The following FBXO24 variants were observed in gnomAD, a reference collection of about 807,000 sequenced individuals.
FBXO24 encodes F-box only protein 24.
A neutral mutation model predicts 63.5 loss-of-function variants in FBXO24; 30 were observed. The observed-to-expected ratio is 0.47, with a 90% confidence interval of 0.35 to 0.64. The LOEUF (loss-of-function observed/expected upper bound fraction) is 0.64. Among genes scored for constraint, FBXO24 ranks in the 30% least tolerant of loss-of-function variants. The pLI is 0.00. For synonymous variants in FBXO24, 300 were observed against 305.0 expected, an observed-to-expected ratio of 0.98 and a Z score of 0.17; for missense variants, 624 against 763.4, an observed-to-expected ratio of 0.82 and a Z score of 2.15.
In FBXO24 at chr7:100,600,748, C is replaced by A. The variant is rs371902452; in HGVS notation, c.1592C>A (p.Thr531Lys). The A allele has an allele frequency of 1.5e-5, 25 of 1,614,054 alleles. No individual in the cohort carries two copies. Among genetic ancestry groups the A allele is most frequent in the Non-Finnish European group, 2.1e-5 (25 of 1,180,024 alleles). ...EYLSQIHSCQ[T>K]LQDRTEKMKE... is the part of the protein sequence containing the mutation. ...CTCAGCCAGATCCACAGTTGCCAAA[C>A]GTTGCAGGACCGCACGGAGAAGATG... The change falls in exon 10 of 10, where the codon ACG becomes AAG. Residue 531 changes from threonine (T) to lysine (K), a missense_variant. Physicochemically the swap from Thr to Lys is moderately conservative, Grantham distance 78. Coordinates refer to ENST00000241071, the MANE Select transcript of FBXO24 (RefSeq NM_033506.3). This position sits in a 1 kb window ranked among gnomAD's most constrained non-coding sequence, Gnocchi z 6.3.
In FBXO24 at chr7:100,594,441, C is replaced by T. The variant is rs779129475; in HGVS notation, c.852C>T (p.Ser284=). The change falls in exon 6 of 10, where the codon TCC becomes TCT. Residue 284 remains serine, a synonymous_variant. Coordinates refer to ENST00000241071, the MANE Select transcript of FBXO24 (RefSeq NM_033506.3). The surrounding 1 kb of genome is among the most constrained non-coding windows in gnomAD (Gnocchi z 4.2). ...VNETQLDQPR[S]YTVQLALRKV... is the part of the protein sequence containing the mutation. ...AGACCCAGCTTGACCAGCCACGCTC[C>T]TACACGGTTCAGCTGGCCCTGAGGA... 1 of 1,613,862 alleles carries T rather than the reference C, an allele frequency of 6.2e-7. No homozygotes were observed. Among genetic ancestry groups the T allele is most frequent in the Non-Finnish European group, 8.5e-7 (1 of 1,179,864 alleles).
In FBXO24 at chr7:100,594,697, T is replaced by C. The variant is rs71555290; in HGVS notation, c.952+156T>C. Among the ~76,000 whole-genome samples, 114 of 152,282 alleles carry C rather than the reference T, an allele frequency of 7.5e-4. 1 individual carries two copies. Among genetic ancestry groups the C allele is most frequent in the Non-Finnish European group, 8.1e-4 (55 of 68,018 alleles). On this transcript the variant is annotated intron_variant, in intron 6 of 9. Transcript: ENST00000241071. The surrounding 1 kb of genome is among the most constrained non-coding windows in gnomAD (Gnocchi z 4.2). ...CCGGCATGGTGACTCATGCCTGTAA[T>C]CCCATCACTTTGGGAAACCGAGGCA...
Position 100,590,372 on chromosome 7 carries a change from G to A in FBXO24, c.322+15G>A, listed in dbSNP as rs1354574178. 6.3e-7 allele frequency: 1 copy of A among 1,594,244 alleles called. No individual in the cohort carries two copies. Among genetic ancestry groups the A allele is most frequent in the East Asian group, 2.2e-5 (1 of 44,566 alleles). On this transcript the variant is annotated intron_variant, in intron 3 of 9. Coordinates refer to ENST00000241071, the MANE Select transcript of FBXO24 (RefSeq NM_033506.3). ...CATTCTGAACTGTACACCTTCCCCAGAACCTCCCGTTCTCCTTGCCTCTGT... is the reference window on the plus strand; with the variant it reads ...CATTCTGAACTGTACACCTTCCCCAAAACCTCCCGTTCTCCTTGCCTCTGT...
chr7:100,598,877 G>C (rs945979837), intron 8 of FBXO24, among the ~76,000 whole-genome samples: 6 of 151,984 alleles, frequency 3.9e-5, no homozygotes, highest in Non-Finnish European at 7.4e-5. Flanking sequence ...TACTCGGGAG[G>C]CTGAGGAAGG....
At chr7:100,586,886 C>A in intron 1 of FBXO24, 6 of 343,978 alleles carry the variant, frequency 1.7e-5, no homozygotes, top group South Asian at 4.8e-5. Context: ...AAGCCTCTGG[C>A]AGGGGTCTCG....
chr7:100,595,549 T>C (rs745683636), intron 7 of FBXO24, 26 bp from the exon 8 acceptor site: 2 of 1,559,892 alleles, frequency 1.3e-6, no homozygotes, highest in Non-Finnish European at 1.7e-6. Flanking sequence ...ATGGAATCCC[T>C]ATCCCCTTTC....
chr7:100,586,834 G>T (rs1430952322), intron 1 of FBXO24, 170 bp downstream of exon 1: 13 of 647,350 alleles, frequency 2.0e-5, no homozygotes, highest in Non-Finnish European at 3.4e-5. Context: ...TGCACTGGCG[G>T]TTGTCGCAGC....
In FBXO24 at chr7:100,600,108, C is replaced by A; in HGVS notation, c.1284C>A (p.Phe428Leu). The stretch of plus-strand genomic sequence containing the variant: ...TGGTGCTGAGCCAGAGCTCAGAGTT[C>A]AGCAAGGAGCTGCTGGGCTGCGGCT... The part of the protein sequence containing the change: ...HSLVLSQSSE[F>L]SKELLGCGCG... The change falls in exon 9 of 10, where the codon TTC (phenylalanine) becomes TTA (leucine). Residue 428 changes from phenylalanine to leucine, a missense_variant. By Grantham distance (22) the Phe-to-Leu change is conservative (BLOSUM62 0). This residue lies in a region of FBXO24 where 216 missense variants were observed against 245.2 expected (regional missense o/e 0.88). Coordinates refer to ENST00000241071, the MANE Select transcript of FBXO24 (RefSeq NM_033506.3). The surrounding 1 kb of genome is among the most constrained non-coding windows in gnomAD (Gnocchi z 6.3). 1 of 1,608,726 alleles carries A rather than the reference C, an allele frequency of 6.2e-7. No homozygotes were observed. The highest frequency in any genetic ancestry group is 1.1e-5 in the South Asian group (1 of 89,812).
intron 4 of FBXO24, 138 bp downstream of exon 4, chr7:100,592,040 C>G (rs2131265694): frequency 1.3e-6 from 1 of 788,034 alleles, no homozygotes; most frequent in Admixed American, 2.5e-5. Flanking sequence ...GCAGGCGGAT[C>G]AGCTGAGACC....
chr7:100,598,055 C>G (rs1479455838), intron 8 of FBXO24, among the ~76,000 whole-genome samples: 4 of 151,894 alleles, frequency 2.6e-5, no homozygotes, highest in African/African-American at 9.7e-5. Context: ...AAATACACAA[C>G]TTGCCCATCA....
rs1802566768 is a variant in FBXO24, at chr7:100,600,745, A to G, written c.1589A>G (p.Gln530Arg). ...TACCTCAGCCAGATCCACAGTTGCC[A>G]AACGTTGCAGGACCGCACGGAGAAG... Reference protein sequence around the residue: ...EEYLSQIHSCQTLQDRTEKMK... With the variant: ...EEYLSQIHSCRTLQDRTEKMK... Residue 530 changes from glutamine (Q) to arginine (R), a missense_variant, in exon 10 of 10, where the codon CAA (glutamine) becomes CGA (arginine). By Grantham distance (43) the Gln-to-Arg change is conservative. This residue lies in a region of FBXO24 where 216 missense variants were observed against 245.2 expected (regional missense o/e 0.88). Transcript: ENST00000241071. The surrounding 1 kb of genome is among the most constrained non-coding windows in gnomAD (Gnocchi z 6.3). 3 of 1,614,174 alleles carry G rather than the reference A, an allele frequency of 1.9e-6. No individual in the cohort carries two copies. The highest frequency in any genetic ancestry group is 2.5e-6 in the Non-Finnish European group (3 of 1,180,014).
intron 4 of FBXO24, chr7:100,592,349 G>A: frequency 4.1e-6 from 1 of 243,218 alleles, no homozygotes; most frequent in Non-Finnish European, 8.1e-6. Context: ...GAGGCCTCAG[G>A]AAACTTACAA....
chr7:100,600,411 A>G lies in FBXO24; in HGVS notation c.1378-123A>G, dbSNP rs1401472359. The G allele has an allele frequency of 1.3e-6, 2 of 1,491,118 alleles. No homozygotes were observed. The highest frequency in any genetic ancestry group is 1.8e-6 in the Non-Finnish European group (2 of 1,112,136). The allele number at this position is 1,491,118 out of a possible 1,614,324, so 92.4% of individuals were successfully genotyped here. ...TTGCCCAACCTCACACACCCCTGGG[A>G]CTTAGCCGGCTCAGGGCTGGTGTGA... On this transcript the variant is annotated intron_variant, in intron 9 of 9. Transcript: ENST00000241071. This position sits in a 1 kb window ranked among gnomAD's most constrained non-coding sequence, Gnocchi z 6.3.
At chr7:100,593,598 A>G (rs1802138783) in intron 5 of FBXO24, among the ~76,000 whole-genome samples, 1 of 149,732 alleles carries the variant, frequency 6.7e-6, no homozygotes, top group Admixed American at 6.7e-5. Context: ...ACTGCACTCC[A>G]GCCTGGTGAC....
At position 100,600,173 on chromosome 7, in the gene FBXO24, G is replaced by T; in HGVS notation, c.1349G>T (p.Ser450Ile). 1 of 1,579,262 alleles carries T rather than the reference G, an allele frequency of 6.3e-7. No homozygotes were observed. Among genetic ancestry groups the T allele is most frequent in the East Asian group, 2.3e-5 (1 of 43,540 alleles). The change falls in exon 9 of 10, where the codon AGT becomes ATT. Residue 450 changes from serine (S) to isoleucine (I), a missense_variant. Ser to Ile is a moderately radical substitution (Grantham distance 142, BLOSUM62 -2). Transcript: ENST00000241071. The surrounding 1 kb of genome is among the most constrained non-coding windows in gnomAD (Gnocchi z 6.3). ...GGRLPGWPKGSASFVKLQVKV... is the reference protein window; with the variant it reads ...GGRLPGWPKGIASFVKLQVKV... ...CGCCTCCCAGGCTGGCCCAAGGGGAGTGCCTCCTTCGTCAAGCTCCAAGTC... is the reference window on the plus strand; with the variant it reads ...CGCCTCCCAGGCTGGCCCAAGGGGATTGCCTCCTTCGTCAAGCTCCAAGTC...
chr7:100,600,992 A>C lies in FBXO24; in HGVS notation c.*93A>C. ...GACCATTGTGCACATGCGTGTGGGA[A>C]GGGGTTGCTAGGGGGTGGGGACGGC... On this transcript the variant is annotated 3_prime_UTR_variant, in exon 10 of 10. Coordinates refer to ENST00000241071, the MANE Select transcript of FBXO24 (RefSeq NM_033506.3). This position sits in a 1 kb window ranked among gnomAD's most constrained non-coding sequence, Gnocchi z 6.3. The C allele has an allele frequency of 6.7e-7, 1 of 1,498,882 alleles. No homozygotes were observed. The highest frequency in any genetic ancestry group is 1.3e-5 in the South Asian group (1 of 75,610). 92.8% of individuals were successfully genotyped at this position (1,498,882 alleles called of 1,614,324 possible). A position where few individuals can be genotyped will look rare whatever the true frequency, so the allele number is the denominator to read the frequency against.
rs1198592119 is a variant in FBXO24, at chr7:100,600,087, G to C, written c.1263G>C (p.Val421=). The C allele has an allele frequency of 6.2e-7, 1 of 1,610,630 alleles. No homozygotes were observed. The highest frequency in any genetic ancestry group is 8.5e-7 in the Non-Finnish European group (1 of 1,179,246). Residue 421 remains valine (V), a synonymous_variant, in exon 9 of 10, where the codon GTG becomes GTC. Transcript: ENST00000241071. This position sits in a 1 kb window ranked among gnomAD's most constrained non-coding sequence, Gnocchi z 6.3. ...GGTGCGGCCTCAACCACTCCCTGGTGCTGAGCCAGAGCTCAGAGTTCAGCA... is the reference window on the plus strand; with the variant it reads ...GGTGCGGCCTCAACCACTCCCTGGTCCTGAGCCAGAGCTCAGAGTTCAGCA... ...TLWCGLNHSL[V]LSQSSEFSKE...
intron 3 of FBXO24, 106 bp downstream of exon 3, chr7:100,590,463 G>A: frequency 3.3e-6 from 4 of 1,203,332 alleles, no homozygotes; most frequent in Non-Finnish European, 4.6e-6. Context: ...AGTGCTTCCA[G>A]GGCCCCTTTC....
chr7:100,595,884 G>A (rs576259807), intron 8 of FBXO24, among the ~76,000 whole-genome samples, 178 bp downstream of exon 8: 2 of 152,306 alleles, frequency 1.3e-5, no homozygotes, highest in African/African-American at 2.4e-5. Flanking sequence ...TTGGCACTAC[G>A]AGGTCCATTC....
Sources: gnomAD v4.1 joint callset for allele counts (sites outside exome capture counted in the v4.1 genomes callset) on GRCh38, gnomAD v4.1.1 for gene constraint, gnomAD v4.1.1 regional missense constraint, Gnocchi (gnomAD v3.1) non-coding constraint, MANE v1.5 for transcripts, NCBI Gene and HGNC (gene_info 2026-07-23, HGNC 2026-07-21) for gene names.